ERAP2: variants seen among roughly 807,000 people sequenced by gnomAD.
The protein encoded by ERAP2 is endoplasmic reticulum aminopeptidase 2.
Under a neutral mutation model 111.1 loss-of-function variants are expected in ERAP2, and 118 were observed. The observed-to-expected ratio is 1.06, with a 90% CI of 0.92 to 1.24. The LOEUF (loss-of-function observed/expected upper bound fraction) is 1.24. Among genes scored for constraint, ERAP2 ranks in the 50% most tolerant of loss-of-function variants. ERAP2 has a pLI of 0.00. For synonymous variants in ERAP2, 410 were observed against 401.2 expected (o/e 1.02, Z -0.26); for missense variants, 1,131 against 1,125.8 (o/e 1.00, Z -0.07).
Position 96,909,033 on chromosome 5 carries a change from A to T in ERAP2, c.2085A>T (p.Ala695=). 9 of 1,614,140 alleles carry T rather than the reference A, an allele frequency of 5.6e-6. No individual in the cohort carries two copies. Among genetic ancestry groups the T allele is most frequent in the Non-Finnish European group, 7.6e-6 (9 of 1,180,002 alleles). Residue 695 remains alanine (A), a synonymous_variant, in exon 14 of 19, where the codon GCA becomes GCT. Coordinates refer to ENST00000437043, the MANE Select transcript of ERAP2 (RefSeq NM_022350.5). Reference sequence around the variant, plus strand: ...TCCAACATGAAACAAGCAGCCCCGCACTTCTCGAAGGTCTGAGTTACTTGG... The same window carrying T: ...TCCAACATGAAACAAGCAGCCCCGCTCTTCTCGAAGGTCTGAGTTACTTGG... The part of the protein sequence containing the change: ...YYLQHETSSP[A]LLEGLSYLES...
intron 2 of ERAP2, chr5:96,881,229 G>C: frequency 5.6e-6 from 2 of 358,150 alleles, no homozygotes; most frequent in Admixed American, 7.5e-5. Context: ...CTATGTTGAG[G>C]GTATGTTATA....
At chr5:96,887,100 T>TATATATATATATAC (rs1478213165) in intron 4 of ERAP2, among the ~76,000 whole-genome samples, 3 of 137,462 alleles carry the variant, frequency 2.2e-5, no homozygotes, top group Non-Finnish European at 4.7e-5. Flanking sequence ...TATATATATA[T>TATATATATATATAC]ACACACACAC....
intron 13 of ERAP2, among the ~76,000 whole-genome samples, chr5:96,905,203 A>G (rs1785917355): frequency 6.6e-6 from 1 of 152,220 alleles, no homozygotes; most frequent in Non-Finnish European, 1.5e-5. Flanking sequence ...CAACATAGAA[A>G]AGTACACTTC....
rs768900310 is a variant in ERAP2, at chr5:96,892,345, G to A, written c.1017G>A (p.Trp339Ter). 2 of 1,613,810 alleles carry A rather than the reference G, an allele frequency of 1.2e-6. No homozygotes were observed. Among genetic ancestry groups the A allele is most frequent in the South Asian group, 1.1e-5 (1 of 91,060 alleles). The change falls in exon 6 of 19, where the codon TGG becomes TGA. Residue 339 changes from tryptophan (W) to a stop codon, truncating the protein, a stop_gained. Transcript: ENST00000437043. LOFTEE classifies it high-confidence loss of function. The part of the protein sequence containing the change: ...PDFAPGAMEN[W>*]GLITYRETSL... ...TTGCACCTGGAGCCATGGAAAATTG[G>A]GGCCTCATTACATATAGGGAGACGT...
At chr5:96,878,315 C>T (rs151211337) in intron 1 of ERAP2, among the ~76,000 whole-genome samples, 40 of 152,236 alleles carry the variant, frequency 2.6e-4, no homozygotes, top group African/African-American at 9.4e-4. Flanking sequence ...TAAATACCTA[C>T]CTTGACCAGC....
chr5:96,912,923 C>T, intron 16 of ERAP2, 125 bp downstream of exon 16: 1 of 739,516 alleles, frequency 1.4e-6, no homozygotes, highest in Admixed American at 3.5e-5. Flanking sequence ...ATGGCTTTAA[C>T]TTTACTTTCA....
Position 96,903,498 on chromosome 5 carries a change from C to T in ERAP2, c.1950C>T (p.Asn650=). 6.2e-7 allele frequency: 1 copy of T among 1,614,004 alleles called. No homozygotes were observed. Among genetic ancestry groups the T allele is most frequent in the Non-Finnish European group, 8.5e-7 (1 of 1,179,940 alleles). Residue 650 remains asparagine (N), a synonymous_variant, in exon 13 of 19, where the codon AAC becomes AAT. Coordinates refer to ENST00000437043, the MANE Select transcript of ERAP2 (RefSeq NM_022350.5). ...WDQLITQLNQ[N]HTLLRPKDRV... ...AACTCATTACACAGCTGAATCAGAA[C>T]CACACACTTCTCAGACCTAAGGACA...
chr5:96,905,348 A>T (rs1785941353), intron 13 of ERAP2, among the ~76,000 whole-genome samples: 1 of 152,170 alleles, frequency 6.6e-6, no homozygotes, highest in Non-Finnish European at 1.5e-5. Flanking sequence ...GCTATTGTTG[A>T]GTGTGTAGGG....
At chr5:96,911,300 C>G (rs372935562) in intron 15 of ERAP2, among the ~76,000 whole-genome samples, 3 of 152,116 alleles carry the variant, frequency 2.0e-5, no homozygotes, top group East Asian at 3.9e-4. Flanking sequence ...TTTCTGGCTC[C>G]CTCCTCAATG....
At position 96,896,829 on chromosome 5, in the gene ERAP2, C is replaced by A. The variant is rs376575375; in HGVS notation, c.1469C>A (p.Ala490Asp). The A allele has an allele frequency of 2.2e-5, 27 of 1,227,472 alleles. No individual in the cohort carries two copies. The East Asian group carries it at 2.6e-4, about 12-fold the overall frequency. The allele number at this position is 1,227,472 out of a possible 1,614,324, so 76.0% of individuals were successfully genotyped here. The change falls in exon 9 of 19, where the codon GCT becomes GAT. Residue 490 changes from alanine (A) to aspartate (D), a missense_variant. By Grantham distance (126) the Ala-to-Asp change is moderately radical. Transcript: ENST00000437043. ...QYLKKFSYRN[A>D]KNDDLWSSLS... ...TTAAAGAAGTTCAGCTATAGAAATG[C>A]TAAGAATGATGACTTGTGGAGCAGT...
At chr5:96,878,427 A>C (rs1231273089) in intron 1 of ERAP2, among the ~76,000 whole-genome samples, 2 of 152,124 alleles carry the variant, frequency 1.3e-5, no homozygotes, top group East Asian at 3.9e-4. Context: ...CTGGTATCCA[A>C]AGAATATAGA....
Position 96,903,554 on chromosome 5 carries a change from T to C in ERAP2, c.2006T>C (p.Leu669Pro). 1 of 1,595,150 alleles carries C rather than the reference T, an allele frequency of 6.3e-7. No individual in the cohort carries two copies. The highest frequency in any genetic ancestry group is 8.5e-7 in the Non-Finnish European group (1 of 1,172,946). Residue 669 changes from leucine to proline, a missense_variant, in exon 13 of 19, where the codon CTA becomes CCA. Physicochemically the swap from Leu to Pro is moderately conservative, Grantham distance 98. Coordinates refer to ENST00000437043, the MANE Select transcript of ERAP2 (RefSeq NM_022350.5). Reference sequence around the variant, plus strand: ...GGTCTGATTCATGATGTGTTTCAGCTAGTTGGGTAAGGCAACATTTCCTCT... The same window carrying C: ...GGTCTGATTCATGATGTGTTTCAGCCAGTTGGGTAAGGCAACATTTCCTCT... ...RVGLIHDVFQ[L>P]VGAGRLTLDK...
intron 15 of ERAP2, among the ~76,000 whole-genome samples, chr5:96,910,913 C>T (rs1786662900): frequency 6.6e-6 from 1 of 152,168 alleles, no homozygotes; most frequent in South Asian, 2.1e-4. Context: ...ACAAAACAAC[C>T]ATGTGGCCTA....
At chr5:96,911,949 G>A (rs1786808486) in intron 15 of ERAP2, among the ~76,000 whole-genome samples, 1 of 150,962 alleles carries the variant, frequency 6.6e-6, no homozygotes, top group Non-Finnish European at 1.5e-5. Flanking sequence ...CAGCACTTTG[G>A]GAGGCTGAGG....
intron 6 of ERAP2, among the ~76,000 whole-genome samples, chr5:96,892,665 A>C (rs1784500686): frequency 1.3e-5 from 2 of 152,194 alleles, no homozygotes; most frequent in African/African-American, 2.4e-5. Context: ...GTAGCCATTA[A>C]ATTTATCCTC....
At chr5:96,916,801 C>T (rs1273703672) in intron 18 of ERAP2, among the ~76,000 whole-genome samples, 2 of 150,628 alleles carry the variant, frequency 1.3e-5, no homozygotes, top group Non-Finnish European at 3.0e-5. Flanking sequence ...GTCTTTGCAC[C>T]TTCTTTTCAC....
intron 3 of ERAP2, among the ~76,000 whole-genome samples, chr5:96,885,718 T>C (rs971988932): frequency 6.6e-6 from 1 of 151,924 alleles, no homozygotes; most frequent in Non-Finnish European, 1.5e-5. Context: ...GAAGAGCCTG[T>C]CTAGGAGTTG....
At chr5:96,906,033 G>A (rs1421637820) in intron 13 of ERAP2, among the ~76,000 whole-genome samples, 1 of 147,616 alleles carries the variant, frequency 6.8e-6, no homozygotes, top group African/African-American at 2.5e-5. Context: ...GCTCAGCCTC[G>A]CAAATTGCTC....
In ERAP2 at chr5:96,895,393, G is replaced by A. The variant is rs771398302; in HGVS notation, c.1239+34G>A. The A allele has an allele frequency of 3.0e-6, 4 of 1,334,498 alleles. No homozygotes were observed. The South Asian group carries it at 4.9e-5, about 16-fold the overall frequency. 82.7% of individuals were successfully genotyped at this position (1,334,498 alleles called of 1,614,324 possible). On this transcript the variant is annotated intron_variant, in intron 7 of 18. Transcript: ENST00000437043. ...ACAATTCTGTGTATCATACTATATG[G>A]TGTAAAGAATCATCAATTCACTATT...
Sources: gnomAD v4.1 joint callset for allele counts (sites outside exome capture counted in the v4.1 genomes callset) on GRCh38, gnomAD v4.1.1 for gene constraint, MANE v1.5 for transcripts, NCBI Gene and HGNC (gene_info 2026-07-23, HGNC 2026-07-21) for gene names.